ROS1: variants seen among roughly 807,000 people sequenced by gnomAD.
ROS1 encodes proto-oncogene tyrosine-protein kinase ROS.
Under a neutral mutation model 273.5 loss-of-function variants are expected in ROS1, and 263 were observed. The observed-to-expected ratio is 0.96, with a 90% CI of 0.87 to 1.06. The LOEUF is 1.06. Among genes scored for constraint, ROS1 ranks in the 50% least tolerant of loss-of-function variants. The pLI is 0.00. For missense variants in ROS1, 2,833 were observed against 2,751.1 expected (o/e 1.03, Z -0.67); for synonymous variants, 1,008 against 954.1 (o/e 1.06, Z -1.04).
At chr6:117,329,545 TAAAG>T (rs1776901469) in intron 32 of ROS1, 99 bp from the exon 33 acceptor site, 1 of 657,462 alleles carries the variant, frequency 1.5e-6, no homozygotes, top group Non-Finnish European at 2.6e-6. Context: ...AAGACAACAT[TAAAG>T]AAATATTCAG....
intron 38 of ROS1, 108 bp from the exon 39 acceptor site, chr6:117,317,380 C>T: frequency 2.3e-6 from 3 of 1,292,654 alleles, no homozygotes; most frequent in Non-Finnish European, 3.2e-6. Context: ...CTTCAAAACC[C>T]CTGACTTAGT....
At chr6:117,324,845 T>A (rs1776524249) in intron 34 of ROS1, among the ~76,000 whole-genome samples, 1 of 152,172 alleles carries the variant, frequency 6.6e-6, no homozygotes, top group Admixed American at 6.6e-5. Context: ...GTAGTTTCAG[T>A]TGTGTAGAGG....
At position 117,425,685 on chromosome 6, in the gene ROS1, G is replaced by T. The variant is rs998410155; in HGVS notation, c.-29C>A. The stretch of plus-strand genomic sequence containing the variant: ...TTCACCAATGGCAGATTTTTAGATG[G>T]CCGGTCTAATTTTCTCCATTTTGCT... On this transcript the variant is annotated 5_prime_UTR_variant, in exon 1 of 44. Coordinates refer to ENST00000368507, the MANE Select transcript of ROS1 (RefSeq NM_001378902.1). 12 of 1,607,966 alleles carry T rather than the reference G, an allele frequency of 7.5e-6. No homozygotes were observed. The Admixed American group carries it at 8.4e-5, about 11-fold the overall frequency.
At chr6:117,359,759 A>G in intron 24 of ROS1, 50 bp downstream of exon 24, 1 of 1,461,200 alleles carries the variant, frequency 6.8e-7, no homozygotes, top group African/African-American at 1.4e-5. Flanking sequence ...GTAGTGTCAT[A>G]TGCAAATACT....
rs2128537276 is a variant in ROS1, at chr6:117,301,127, T to C, written c.6562A>G (p.Met2188Val). 1 of 1,584,244 alleles carries C rather than the reference T, an allele frequency of 6.3e-7. No individual in the cohort carries two copies. Among genetic ancestry groups the C allele is most frequent in the Non-Finnish European group, 8.5e-7 (1 of 1,170,094 alleles). Residue 2188 changes from methionine to valine, a missense_variant, in exon 43 of 44, where the codon ATG (methionine) becomes GTG (valine). By Grantham distance (21) the Met-to-Val change is conservative. Transcript: ENST00000368507. ...GGTTCTTGAGCCCAGCACTGGGTCA[T>C]TAAATTCCACCTAAATATATGGGGA... ...RNCPDDLWNL[M>V]TQCWAQEPDQ...
rs542174827 is a variant in ROS1, at chr6:117,385,710, A to C, written c.2262T>G (p.Phe754Leu). The change falls in exon 16 of 44, where the codon TTT (phenylalanine) becomes TTG (leucine). Residue 754 changes from phenylalanine (F) to leucine (L), a missense_variant. Transcript: ENST00000368507. ...GALAFEWLGH[F>L]LYWAGKTYVI... ...CATATGTCTTTCCAGCCCAGTAGAG[A>C]AAGTGACCCAGCCACTCAAAAGCTA... The C allele has an allele frequency of 6.2e-7, 1 of 1,614,088 alleles. No homozygotes were observed. The highest frequency in any genetic ancestry group is 1.1e-5 in the South Asian group (1 of 91,086).
chr6:117,412,734 G>C (rs1775023270), intron 4 of ROS1, among the ~76,000 whole-genome samples: 1 of 152,162 alleles, frequency 6.6e-6, no homozygotes, highest in African/African-American at 2.4e-5. Context: ...AGTTATACAA[G>C]TTATAACACT....
intron 21 of ROS1, among the ~76,000 whole-genome samples, chr6:117,363,329 G>A (rs187889379): frequency 6.6e-6 from 1 of 152,288 alleles, no homozygotes; most frequent in Non-Finnish European, 1.5e-5. Flanking sequence ...CCTAGGCCCT[G>A]TCACTCTGAA....
chr6:117,418,532 C>T (rs1159901104), intron 1 of ROS1, 26 bp from the exon 2 acceptor site: 1 of 1,580,380 alleles, frequency 6.3e-7, no homozygotes, highest in Middle Eastern at 1.7e-4. Flanking sequence ...AGGTAGTAAA[C>T]ACCAGCCATC....
intron 22 of ROS1, among the ~76,000 whole-genome samples, chr6:117,361,424 T>C (rs979681956): frequency 1.3e-4 from 14 of 111,132 alleles, no homozygotes; most frequent in Non-Finnish European, 2.0e-4. Context: ...TAATGGTGCA[T>C]ATATATATAT....
At chr6:117,366,493 A>T (rs1480863714) in intron 18 of ROS1, among the ~76,000 whole-genome samples, 1 of 152,106 alleles carries the variant, frequency 6.6e-6, no homozygotes, top group Admixed American at 6.6e-5. Context: ...AAAGTAGTAG[A>T]CCTAAAGTAA....
intron 43 of ROS1, among the ~76,000 whole-genome samples, chr6:117,292,708 A>G (rs764525510): frequency 6.6e-6 from 1 of 152,174 alleles, no homozygotes; most frequent in African/African-American, 2.4e-5. Flanking sequence ...TGCCAAGCCA[A>G]CTCAAACCAA....
At chr6:117,314,315 G>A (rs1460181106) in intron 39 of ROS1, among the ~76,000 whole-genome samples, 3 of 152,104 alleles carry the variant, frequency 2.0e-5, no homozygotes, top group Non-Finnish European at 4.4e-5. Context: ...GAAAGCAGAT[G>A]GAGGAGTGGT....
At chr6:117,293,326 T>A (rs1773975082) in intron 43 of ROS1, among the ~76,000 whole-genome samples, 1 of 152,178 alleles carries the variant, frequency 6.6e-6, no homozygotes, top group African/African-American at 2.4e-5. Flanking sequence ...AAGAAAAAAA[T>A]GCTGGAGAAC....
chr6:117,337,003 C>G (rs1202965672), intron 32 of ROS1, among the ~76,000 whole-genome samples, 169 bp downstream of exon 32: 2 of 152,102 alleles, frequency 1.3e-5, no homozygotes, highest in African/African-American at 4.8e-5. Flanking sequence ...TATTTCATTA[C>G]TGCCTGCAAG....
rs1190275778 is a variant in ROS1, at chr6:117,341,646, C to G, written c.4652-14G>C. ...CTGCCTCTGGTACTGAAATAAATAG[C>G]AAGGAATGATAAAGGATGCTGCAAT... is the stretch of plus-strand genomic sequence containing the variant. On this transcript the variant is annotated splice_polypyrimidine_tract_variant and intron_variant, in intron 29 of 43. Coordinates refer to ENST00000368507, the MANE Select transcript of ROS1 (RefSeq NM_001378902.1). The G allele has an allele frequency of 1.9e-6, 3 of 1,586,932 alleles. No individual in the cohort carries two copies. The highest frequency in any genetic ancestry group is 2.7e-5 in the African/African-American group (2 of 74,318).
chr6:117,361,171 T>A (rs1026789874), intron 22 of ROS1, among the ~76,000 whole-genome samples: 2 of 150,706 alleles, frequency 1.3e-5, no homozygotes, highest in Admixed American at 1.3e-4. Context: ...CATTGGGCCA[T>A]GCCACATTCT....
chr6:117,338,559 T>C (rs1777655738), intron 31 of ROS1, among the ~76,000 whole-genome samples: 2 of 146,924 alleles, frequency 1.4e-5, no homozygotes, highest in African/African-American at 2.5e-5. Flanking sequence ...AAGTCTTAAC[T>C]CTTTATGGTT....
At chr6:117,390,154 T>C (rs1772945333) in intron 12 of ROS1, among the ~76,000 whole-genome samples, 1 of 151,812 alleles carries the variant, frequency 6.6e-6, no homozygotes, top group African/African-American at 2.4e-5. Flanking sequence ...TGAGACAAGG[T>C]CTTACTCTGT....
Sources: allele counts gnomAD v4.1 joint callset (sites outside exome capture counted in the v4.1 genomes callset), GRCh38; gene constraint gnomAD v4.1.1; transcripts MANE v1.5; gene names NCBI Gene and HGNC (gene_info 2026-07-23, HGNC 2026-07-21).